ZNF83: variants seen among roughly 807,000 people sequenced by gnomAD.
ZNF83 encodes the protein zinc finger protein 83, also known as zinc finger protein 816B.
For synonymous variants in ZNF83, 209 were observed against 213.0 expected, an observed-to-expected ratio of 0.98 and a Z score of 0.17; for missense variants, 552 against 629.9, an observed-to-expected ratio of 0.88 and a Z score of 1.32.
In ZNF83 at chr19:52,613,324, G is replaced by C. The variant is rs778636721; in HGVS notation, c.1241C>G (p.Ser414Ter). 1 of 1,614,092 alleles carries C rather than the reference G, an allele frequency of 6.2e-7. No homozygotes were observed. The highest frequency in any genetic ancestry group is 2.2e-5 in the East Asian group (1 of 44,876). Residue 414 changes from serine to a stop codon, truncating the protein, a stop_gained, in exon 3 of 3, where the codon TCA (serine) becomes TGA (stop). Transcript: ENST00000301096. LOFTEE classifies it low-confidence loss of function (END_TRUNC). The stretch of plus-strand genomic sequence containing the variant: ...AATTCTCCAATGATATGCAAGGTAT[G>C]AATTTTGACTGAAGACTTTGCCACA...
At chr19:52,662,996 C>T (rs1055071517) in intron 1 of ZNF83, among the ~76,000 whole-genome samples, 2 of 152,018 alleles carry the variant, frequency 1.3e-5, no homozygotes, top group Non-Finnish European at 2.9e-5. Context: ...AATCCCGTCT[C>T]TATGAAAAGT....
At chr19:52,651,740 A>C (rs1328043375) in intron 3 of ZNF83, 3 of 157,230 alleles carry the variant, frequency 1.9e-5, no homozygotes, top group African/African-American at 7.2e-5. Flanking sequence ...GAAGGAAAGA[A>C]AAAACAGGCT....
chr19:52,618,918 G>A lies in ZNF83; in HGVS notation c.-233-4121C>T, dbSNP rs774742377. On this transcript the variant is annotated intron_variant, in intron 2 of 2. Transcript: ENST00000301096. ...ACACAAGGGAACATCCCCACTTCTG[G>A]AGGGAAGTTATCCTCACCCAGGGAG... 2.6e-5 allele frequency: 40 copies of A among 1,547,610 alleles called. 1 individual carries two copies. In the South Asian group the frequency reaches 4.3e-4, roughly 17 times the overall value.
chr19:52,628,029 A>AC (rs1415719114), intron 2 of ZNF83, among the ~76,000 whole-genome samples: 2 of 150,490 alleles, frequency 1.3e-5, no homozygotes, highest in East Asian at 2.0e-4. Context: ...CCAGAGAACA[A>AC]CCCCCCTTTT....
chr19:52,627,357 C>CTT (rs1432700683), intron 2 of ZNF83, among the ~76,000 whole-genome samples: 16 of 142,250 alleles, frequency 1.1e-4, no homozygotes, highest in African/African-American at 4.2e-4. Context: ...GAAGGAGAGG[C>CTT]ATAAAAAAGA....
At chr19:52,676,837 G>A (rs2061819845) in intron 1 of ZNF83, among the ~76,000 whole-genome samples, 1 of 132,050 alleles carries the variant, frequency 7.6e-6, no homozygotes, top group Non-Finnish European at 1.6e-5. Context: ...CCCCAACCCG[G>A]TGCTCTCTGA....
intron 3 of ZNF83, among the ~76,000 whole-genome samples, chr19:52,644,700 T>A (rs2061350548): frequency 6.6e-6 from 1 of 152,076 alleles, no homozygotes; most frequent in South Asian, 2.1e-4. Context: ...AACTAAGACA[T>A]GAGCAAATGT....
chr19:52,632,329 C>T (rs1423438657), intron 2 of ZNF83, among the ~76,000 whole-genome samples: 1 of 152,208 alleles, frequency 6.6e-6, no homozygotes, highest in Non-Finnish European at 1.5e-5. Flanking sequence ...TTAAAAAGGA[C>T]TGGACAATAC....
intron 1 of ZNF83, among the ~76,000 whole-genome samples, chr19:52,677,187 C>CA (rs1467081549): frequency 6.9e-6 from 1 of 144,244 alleles, no homozygotes; most frequent in Non-Finnish European, 1.5e-5. Context: ...AAAACAAAAA[C>CA]AAAAACAAAA....
intron 3 of ZNF83, among the ~76,000 whole-genome samples, chr19:52,643,808 AAGG>A (rs2061338593): frequency 6.6e-6 from 1 of 152,166 alleles, no homozygotes; most frequent in South Asian, 2.1e-4. Context: ...CCTAGACCTG[AAGG>A]AGGAGAAAGG....
At chr19:52,664,184 A>ATTT (rs57600625) in intron 1 of ZNF83, among the ~76,000 whole-genome samples, 1 of 141,818 alleles carries the variant, frequency 7.1e-6, no homozygotes, top group Non-Finnish European at 1.5e-5. Flanking sequence ...CACCAGGCCT[A>ATTT]TTTTTTTTTT....
chr19:52,618,955 A>G (rs2060427037), intron 2 of ZNF83: 4 of 1,545,536 alleles, frequency 2.6e-6, no homozygotes, highest in Admixed American at 1.7e-5. Context: ...CCAGGTTCCT[A>G]TAATTCTCCA....
chr19:52,654,052 T>C, intron 3 of ZNF83: 1 of 1,589,176 alleles, frequency 6.3e-7, no homozygotes, highest in Non-Finnish European at 8.6e-7. Context: ...GATAGACTTC[T>C]CCACTTGATT....
At chr19:52,668,091 C>T (rs927546290) in intron 1 of ZNF83, among the ~76,000 whole-genome samples, 3 of 152,182 alleles carry the variant, frequency 2.0e-5, no homozygotes, top group Non-Finnish European at 4.4e-5. Context: ...TTATCCTCCA[C>T]CTTCTCTTCC....
intron 1 of ZNF83, among the ~76,000 whole-genome samples, chr19:52,683,724 A>G (rs1404172099): frequency 6.6e-6 from 1 of 152,146 alleles, no homozygotes; most frequent in Non-Finnish European, 1.5e-5. Flanking sequence ...TTTGACTAAA[A>G]CAAATTGCCA....
At chr19:52,643,843 GTACA>G (rs2061339013) in intron 3 of ZNF83, among the ~76,000 whole-genome samples, 1 of 152,210 alleles carries the variant, frequency 6.6e-6, no homozygotes, top group African/African-American at 2.4e-5. Context: ...CATCATTTAG[GTACA>G]TAGTGTAAGA....
chr19:52,661,148 C>A (rs2061574805), intron 1 of ZNF83, among the ~76,000 whole-genome samples: 1 of 152,140 alleles, frequency 6.6e-6, no homozygotes, highest in Non-Finnish European at 1.5e-5. Context: ...CAGGGGTAAA[C>A]CACCAGACCC....
upstream of ZNF83, among the ~76,000 whole-genome samples, chr19:52,641,723 A>C (rs1319042883): frequency 6.6e-6 from 1 of 152,124 alleles, no homozygotes; most frequent in Non-Finnish European, 1.5e-5. Context: ...CTTGTGAACC[A>C]AAAGTATCTA....
intron 1 of ZNF83, among the ~76,000 whole-genome samples, chr19:52,683,522 AAAG>A (rs1359784713): frequency 0.45 from 30,791 of 68,020 alleles, 8,526 homozygotes; most frequent in African/African-American, 0.66. Flanking sequence ...AAGGGAATCC[AAAG>A]GGAAGGGCAA....
Sources: gnomAD v4.1 joint callset for allele counts (sites outside exome capture counted in the v4.1 genomes callset) on GRCh38, gnomAD v4.1.1 for gene constraint, MANE v1.5 for transcripts, NCBI Gene and HGNC (gene_info 2026-07-23, HGNC 2026-07-21) for gene names.